The following ALG14 variants were observed in gnomAD, a reference collection of about 807,000 sequenced individuals.
The protein encoded by ALG14 is ALG14 UDP-N-acetylglucosaminyltransferase subunit, also known as UDP-N-acetylglucosamine transferase subunit ALG14.
Under a neutral mutation model 22.8 loss-of-function variants are expected in ALG14, and 17 were observed. The observed-to-expected ratio is 0.75, with a 90% CI of 0.51 to 1.12. The LOEUF is 1.12. Among genes scored for constraint, ALG14 ranks in the 50% most tolerant of loss-of-function variants. The probability of loss-of-function intolerance (pLI) is 0.00; values close to 1 mark genes in which losing one functional copy is unlikely to be tolerated. For missense variants in ALG14, 288 were observed against 271.8 expected (o/e 1.06, Z -0.42); for synonymous variants, 89 against 103.7 (o/e 0.86, Z 0.86).
chr1:94,983,890 C>T (rs1672570426), intron 3 of ALG14, among the ~76,000 whole-genome samples: 1 of 151,712 alleles, frequency 6.6e-6, no homozygotes, highest in South Asian at 2.1e-4. Flanking sequence ...TACAGGCGCC[C>T]GCCACCACAC....
chr1:95,016,774 G>A (rs1673504758), intron 3 of ALG14, among the ~76,000 whole-genome samples: 1 of 152,038 alleles, frequency 6.6e-6, no homozygotes, highest in South Asian at 2.1e-4. Context: ...CAAATCCTCA[G>A]AAAAAGGCTT....
At chr1:95,017,439 G>A (rs185474139) in intron 3 of ALG14, among the ~76,000 whole-genome samples, 9 of 152,202 alleles carry the variant, frequency 5.9e-5, no homozygotes, top group Middle Eastern at 3.4e-3. Flanking sequence ...GAATTCCTGC[G>A]GTATAATCTG....
intron 3 of ALG14, among the ~76,000 whole-genome samples, chr1:94,987,065 T>A (rs1296432394): frequency 1.3e-5 from 2 of 152,142 alleles, no homozygotes; most frequent in Non-Finnish European, 2.9e-5. Flanking sequence ...GAGGAGGATG[T>A]GGCCTTGGTG....
At chr1:94,993,260 AAT>A (rs915040623) in intron 3 of ALG14, among the ~76,000 whole-genome samples, 2 of 146,392 alleles carry the variant, frequency 1.4e-5, no homozygotes, top group African/African-American at 5.0e-5. Flanking sequence ...TTTTTATATA[AAT>A]ATATATATTA....
At chr1:94,986,917 C>A (rs531413142) in intron 3 of ALG14, among the ~76,000 whole-genome samples, 9 of 152,178 alleles carry the variant, frequency 5.9e-5, no homozygotes, top group African/African-American at 1.7e-4. Flanking sequence ...CCAGTCTGAC[C>A]AATCAGAGCA....
At chr1:94,996,829 C>T (rs142084198) in intron 3 of ALG14, among the ~76,000 whole-genome samples, 6,888 of 152,042 alleles carry the variant, frequency 0.045, 200 homozygotes, top group South Asian at 0.083. Flanking sequence ...TTACAGGTGC[C>T]CACCACCATG....
chr1:95,053,939 T>C (rs1162655896), intron 2 of ALG14, among the ~76,000 whole-genome samples: 3 of 152,214 alleles, frequency 2.0e-5, no homozygotes, highest in Non-Finnish European at 4.4e-5. Context: ...GAACTTCTTT[T>C]ACAAGAACAC....
In ALG14 at chr1:94,977,818, T is replaced by G. The variant is rs1026415262; in HGVS notation, c.*5258A>C. 6 of 151,388 alleles carry G rather than the reference T, an allele frequency of 4.0e-5. No homozygotes were observed. The highest frequency in any genetic ancestry group is 2.0e-4 in the Admixed American group (3 of 15,194). The allele number at this position is 151,388 out of a possible 1,614,324, so 9.4% of individuals were successfully genotyped here. On this transcript the variant is annotated 3_prime_UTR_variant, in exon 4 of 4. Coordinates refer to ENST00000370205, the MANE Select transcript of ALG14 (RefSeq NM_144988.4). The stretch of plus-strand genomic sequence containing the variant: ...TGTGCATCACCATGCCTGGCTAATT[T>G]TTGTATTTTTTTTGTAGAGATGGGG...
At chr1:95,046,824 G>T (rs896364961) in intron 2 of ALG14, among the ~76,000 whole-genome samples, 1 of 152,126 alleles carries the variant, frequency 6.6e-6, no homozygotes, top group Admixed American at 6.5e-5. Flanking sequence ...CAGTCTAGGC[G>T]CAGTGGCTTA....
At chr1:95,033,045 A>G (rs1252160213) in intron 2 of ALG14, among the ~76,000 whole-genome samples, 1 of 152,172 alleles carries the variant, frequency 6.6e-6, no homozygotes, top group Non-Finnish European at 1.5e-5. Flanking sequence ...TTTGGCCAGG[A>G]ATTACCTAGG....
chr1:95,005,092 GA>G (rs1673180305), intron 3 of ALG14, among the ~76,000 whole-genome samples: 1 of 152,186 alleles, frequency 6.6e-6, no homozygotes, highest in Non-Finnish European at 1.5e-5. Flanking sequence ...AGAAGAATAT[GA>G]AGAGAGAGAC....
At chr1:95,013,036 C>T (rs895478342) in intron 3 of ALG14, among the ~76,000 whole-genome samples, 3 of 150,368 alleles carry the variant, frequency 2.0e-5, no homozygotes, top group Non-Finnish European at 1.5e-5. Flanking sequence ...CTCAGGAGGC[C>T]GAGGCAGGAG....
intron 2 of ALG14, among the ~76,000 whole-genome samples, chr1:95,029,340 AAGAGGCAAGGC>A (rs1312008983): frequency 6.6e-6 from 1 of 152,246 alleles, no homozygotes; most frequent in African/African-American, 2.4e-5. Flanking sequence ...GTGCTCCAAG[AAGAGGCAAGGC>A]AGAAATTGTC....
intron 2 of ALG14, among the ~76,000 whole-genome samples, chr1:95,038,170 CTG>C (rs1674258809): frequency 6.6e-6 from 1 of 152,012 alleles, no homozygotes; most frequent in Admixed American, 6.6e-5. Context: ...TGGTGAAACC[CTG>C]TCTCTACTAA....
chr1:95,049,005 C>T (rs1437363225), intron 2 of ALG14, among the ~76,000 whole-genome samples: 3 of 151,864 alleles, frequency 2.0e-5, no homozygotes, highest in Non-Finnish European at 4.4e-5. Flanking sequence ...TATTATACAC[C>T]ATTAAAATAT....
intron 2 of ALG14, among the ~76,000 whole-genome samples, chr1:95,057,659 T>G (rs1051981893): frequency 6.7e-6 from 1 of 149,768 alleles, no homozygotes; most frequent in African/African-American, 2.4e-5. Context: ...TGTAGATATA[T>G]ACATATGACC....
intron 2 of ALG14, among the ~76,000 whole-genome samples, chr1:95,047,536 G>A (rs1270220766): frequency 6.6e-6 from 1 of 152,066 alleles, no homozygotes; most frequent in East Asian, 1.9e-4. Flanking sequence ...TAGACACGGG[G>A]TTTCACCATG....
chr1:95,041,743 A>G (rs752444806), intron 2 of ALG14: 1 of 152,236 alleles, frequency 6.6e-6, no homozygotes, highest in Non-Finnish European at 1.5e-5. Flanking sequence ...GTCTCAGTCC[A>G]CTGTGCGAAG....
chr1:95,038,869 C>T lies in ALG14; in HGVS notation c.289-11609G>A, dbSNP rs575616333. 1.8e-4 allele frequency among the ~76,000 whole-genome samples: 28 copies of T among 152,126 alleles called. No individual in the cohort carries two copies. The South Asian group carries it at 4.6e-3, about 25-fold the overall frequency. ...GGGTAGCCAGGACTACAGGCATGCC[C>T]CATCACATCTTGCTGATTTTAAAAA... On this transcript the variant is annotated intron_variant, in intron 2 of 3. Transcript: ENST00000370205.
Sources: allele counts gnomAD v4.1 joint callset (sites outside exome capture counted in the v4.1 genomes callset), GRCh38; gene constraint gnomAD v4.1.1; transcripts MANE v1.5; gene names NCBI Gene and HGNC (gene_info 2026-07-23, HGNC 2026-07-21).